Variants in ADARB2 observed in about 807,000 individuals in gnomAD.
The protein encoded by ADARB2 is adenosine deaminase RNA specific B2 (inactive), also known as inactive double-stranded RNA-specific editase B2.
In ADARB2, 25 loss-of-function variants were observed where a neutral mutation model predicts 62.2. The observed-to-expected ratio is 0.40, with a 90% CI of 0.29 to 0.56. ADARB2 has a LOEUF of 0.56. ADARB2 is among the 20% of genes least tolerant of loss of function. The pLI, the probability that ADARB2 is intolerant of heterozygous loss-of-function variation, is 0.43. For synonymous variants in ADARB2, 572 were observed against 500.8 expected (o/e 1.14, Z -1.90); for missense variants, 1,071 against 1,077.4 (o/e 0.99, Z 0.08).
At chr10:1,476,016 A>G (rs1283803750) in intron 1 of ADARB2, among the ~76,000 whole-genome samples, 1 of 152,260 alleles carries the variant, frequency 6.6e-6, no homozygotes, top group African/African-American at 2.4e-5. Context: ...CTTTGAAAAC[A>G]GTGAAAACTC....
chr10:1,562,688 G>C (rs1416186368), intron 1 of ADARB2, among the ~76,000 whole-genome samples: 2 of 152,222 alleles, frequency 1.3e-5, no homozygotes, highest in East Asian at 3.9e-4. Context: ...CATTGGGCTA[G>C]ACCTGAATTC....
At chr10:1,326,987 C>A (rs374092409) in intron 3 of ADARB2, among the ~76,000 whole-genome samples, 626 of 5,974 alleles carry the variant, frequency 0.1, 56 homozygotes, top group East Asian at 0.32. Flanking sequence ...TCCCCACGGC[C>A]CAGCGCCTCC....
At chr10:1,293,772 T>C (rs1831499361) in intron 3 of ADARB2, among the ~76,000 whole-genome samples, 1 of 152,246 alleles carries the variant, frequency 6.6e-6, no homozygotes, top group African/African-American at 2.4e-5. Context: ...AAGATGGTAA[T>C]GCATTCAAGG....
rs1244136166 is a variant in ADARB2 at position 1,249,915 on chromosome 10, TAGAGACACACAGCAACTAG to T, written c.1193-7635_1193-7617del. The stretch of plus-strand genomic sequence containing the variant: ...AATATACAGAAGTCAATAACTTTCA[TAGAGACACACAGCAACTAG>T]AGAGACACTGTAAAGGAAAAATGAC... On this transcript the variant is annotated intron_variant, in intron 4 of 9. Transcript: ENST00000381312. 3.3e-5 allele frequency among the ~76,000 whole-genome samples: 5 copies of T among 151,728 alleles called. No homozygotes were observed. In the Middle Eastern group the frequency reaches 0.01, roughly 310 times the overall value.
At chr10:1,556,170 CGAG>C (rs1832697912) in intron 1 of ADARB2, among the ~76,000 whole-genome samples, 1 of 151,978 alleles carries the variant, frequency 6.6e-6, no homozygotes, top group Non-Finnish European at 1.5e-5. Flanking sequence ...GGCTGGGAAA[CGAG>C]GACACGGCTT....
At chr10:1,658,222 A>G (rs1469401459) in intron 1 of ADARB2, among the ~76,000 whole-genome samples, 1 of 139,214 alleles carries the variant, frequency 7.2e-6, no homozygotes, top group African/African-American at 2.8e-5. Context: ...CTCTGTCTCT[A>G]TCTGATTCTC....
intron 1 of ADARB2, among the ~76,000 whole-genome samples, chr10:1,457,329 T>C (rs1409033582): frequency 4.6e-5 from 7 of 152,110 alleles, no homozygotes; most frequent in African/African-American, 7.2e-5. Context: ...TAACCCTGAT[T>C]CCAGGAGGGT....
At chr10:1,428,899 G>A (rs1379728031) in intron 1 of ADARB2, among the ~76,000 whole-genome samples, 6 of 151,226 alleles carry the variant, frequency 4.0e-5, no homozygotes, top group East Asian at 2.0e-4. Flanking sequence ...ACACACACAC[G>A]GACAAGGAAA....
At chr10:1,578,037 G>A (rs1320599796) in intron 1 of ADARB2, among the ~76,000 whole-genome samples, 1 of 152,184 alleles carries the variant, frequency 6.6e-6, no homozygotes, top group Non-Finnish European at 1.5e-5. Flanking sequence ...CAGGACTGTG[G>A]AAGCAGGAAA....
At chr10:1,548,913 C>T (rs1320250945) in intron 1 of ADARB2, among the ~76,000 whole-genome samples, 1 of 152,126 alleles carries the variant, frequency 6.6e-6, no homozygotes, top group Non-Finnish European at 1.5e-5. Flanking sequence ...CCGAGGCAGG[C>T]CTGGCAGGAA....
chr10:1,209,327 G>A (rs368933223), intron 7 of ADARB2, among the ~76,000 whole-genome samples: 1,333 of 53,658 alleles, frequency 0.025, no homozygotes, highest in Middle Eastern at 0.08. Flanking sequence ...CCACACCCAC[G>A]CCATCACCCA....
At chr10:1,524,967 C>T (rs1310265497) in intron 1 of ADARB2, among the ~76,000 whole-genome samples, 2 of 152,288 alleles carry the variant, frequency 1.3e-5, no homozygotes, top group South Asian at 4.1e-4. Flanking sequence ...ATACATACTG[C>T]TATGTCTTTT....
At chr10:1,687,497 C>G (rs112219275) in intron 1 of ADARB2, among the ~76,000 whole-genome samples, 1 of 151,800 alleles carries the variant, frequency 6.6e-6, no homozygotes, top group East Asian at 1.9e-4. Flanking sequence ...AATAAAGCTG[C>G]GATCCAAAAT....
At position 1,298,740 on chromosome 10, in the gene ADARB2, T is replaced by TAGA. The variant is rs1180582365; in HGVS notation, c.1078-27672_1078-27671insTCT. On this transcript the variant is annotated intron_variant, in intron 3 of 9. Coordinates refer to ENST00000381312, the MANE Select transcript of ADARB2 (RefSeq NM_018702.4). Reference sequence around the variant, plus strand: ...CGGGAATTTTTTTTTTTTTTTTTTTTTTTTTTTTTTTTTTTTTTTTTTTTT... The same window carrying TAGA: ...CGGGAATTTTTTTTTTTTTTTTTTTTAGATTTTTTTTTTTTTTTTTTTTTTTTT... Among the ~76,000 whole-genome samples, 172 of 28,464 alleles carry TAGA rather than the reference T, an allele frequency of 6.0e-3. 1 individual carries two copies. Among genetic ancestry groups the TAGA allele is most frequent in the East Asian group, 0.036 (6 of 166 alleles). The allele number at this position is 28,464 out of a possible 152,430, so 18.7% of individuals were successfully genotyped here.
At chr10:1,517,768 A>G (rs1176266365) in intron 1 of ADARB2, among the ~76,000 whole-genome samples, 1 of 152,094 alleles carries the variant, frequency 6.6e-6, no homozygotes, top group Non-Finnish European at 1.5e-5. Flanking sequence ...GAATCACGAG[A>G]TGGGATTTTG....
intron 1 of ADARB2, among the ~76,000 whole-genome samples, chr10:1,727,072 C>T (rs1014581252): frequency 1.1e-4 from 16 of 152,320 alleles, no homozygotes; most frequent in African/African-American, 3.4e-4. Flanking sequence ...GGACAGACTC[C>T]AATTTACATA....
chr10:1,295,429 A>C (rs943907800), intron 3 of ADARB2, among the ~76,000 whole-genome samples: 1 of 152,184 alleles, frequency 6.6e-6, no homozygotes, highest in Non-Finnish European at 1.5e-5. Context: ...TTTAGGTGAT[A>C]ATCAGATAGA....
intron 4 of ADARB2, among the ~76,000 whole-genome samples, chr10:1,258,537 T>C (rs1050614314): frequency 6.6e-6 from 1 of 151,794 alleles, no homozygotes; most frequent in Non-Finnish European, 1.5e-5. Flanking sequence ...CCAACAAAGA[T>C]CAAAAGAGAC....
chr10:1,546,369 C>T (rs1832520144), intron 1 of ADARB2, among the ~76,000 whole-genome samples: 1 of 152,222 alleles, frequency 6.6e-6, no homozygotes, highest in Admixed American at 6.5e-5. Context: ...GACCGGCCTC[C>T]ACGGGGTGGG....
Sources: allele counts gnomAD v4.1 joint callset (sites outside exome capture counted in the v4.1 genomes callset), GRCh38; gene constraint gnomAD v4.1.1; transcripts MANE v1.5; gene names NCBI Gene and HGNC (gene_info 2026-07-23, HGNC 2026-07-21).